Variants in FTCDNL1 observed in about 807,000 individuals in gnomAD.
FTCDNL1 encodes the protein formiminotransferase N-terminal subdomain-containing protein.
A neutral mutation model predicts 5.9 loss-of-function variants in FTCDNL1; 11 were observed. The ratio of observed to expected loss-of-function variants is 1.87; its 90% CI spans 1.18 to 3.10. The LOEUF is 3.10. FTCDNL1 is among the 30% of genes most tolerant of loss of function. FTCDNL1 has a pLI of 0.00. For synonymous variants in FTCDNL1, 58 were observed against 24.8 expected (o/e 2.34, Z -3.99); for missense variants, 115 against 65.5 (o/e 1.76, Z -2.61).
the FTCDNL1 span, among the ~76,000 whole-genome samples, chr2:199,680,310 C>G: frequency 2.6e-5 from 4 of 152,092 alleles, no homozygotes; most frequent in Non-Finnish European, 5.9e-5. Context: ...AAGCACAAAT[C>G]ATAGAAGAAA....
the FTCDNL1 span, among the ~76,000 whole-genome samples, chr2:199,678,367 C>A: frequency 1.3e-5 from 2 of 152,094 alleles, no homozygotes; most frequent in Non-Finnish European, 2.9e-5. Flanking sequence ...GATGTGGGCA[C>A]ATGCCATAAC....
intron 3 of FTCDNL1, among the ~76,000 whole-genome samples, chr2:199,794,192 G>A (rs1358592909): frequency 6.6e-6 from 1 of 152,164 alleles, no homozygotes; most frequent in Non-Finnish European, 1.5e-5. Flanking sequence ...GAAAATTTAA[G>A]AGCCAGAAAA....
At chr2:199,750,767 T>C in the FTCDNL1 span, among the ~76,000 whole-genome samples, 1 of 152,262 alleles carries the variant, frequency 6.6e-6, no homozygotes, top group Non-Finnish European at 1.5e-5. Context: ...TTCTGAACTT[T>C]TGAATGAAAG....
At chr2:199,733,782 A>G in the FTCDNL1 span, among the ~76,000 whole-genome samples, 2 of 152,244 alleles carry the variant, frequency 1.3e-5, no homozygotes, top group Non-Finnish European at 2.9e-5. Flanking sequence ...TGGAAATTAA[A>G]TTTAAGCAAA....
chr2:199,730,392 G>T, the FTCDNL1 span, among the ~76,000 whole-genome samples: 1 of 152,096 alleles, frequency 6.6e-6, no homozygotes, highest in Non-Finnish European at 1.5e-5. Flanking sequence ...ACTATAATCA[G>T]GGTTAATAGG....
chr2:199,785,196 T>C (rs987386526), intron 3 of FTCDNL1, among the ~76,000 whole-genome samples: 7 of 149,590 alleles, frequency 4.7e-5, no homozygotes, highest in African/African-American at 1.7e-4. Context: ...TGAAATGTCA[T>C]ATATCATCAC....
the FTCDNL1 span, among the ~76,000 whole-genome samples, chr2:199,687,118 A>T: frequency 6.6e-6 from 1 of 152,216 alleles, no homozygotes; most frequent in South Asian, 2.1e-4. Flanking sequence ...TTTAAATTAC[A>T]GAACCTCCAT....
chr2:199,696,355 C>A, the FTCDNL1 span, among the ~76,000 whole-genome samples: 1 of 152,228 alleles, frequency 6.6e-6, no homozygotes, highest in South Asian at 2.1e-4. Flanking sequence ...GCTGCCACCA[C>A]CTCGATGAAG....
chr2:199,776,410 G>C (rs558429342), intron 3 of FTCDNL1, among the ~76,000 whole-genome samples: 1 of 152,170 alleles, frequency 6.6e-6, no homozygotes, highest in African/African-American at 2.4e-5. Context: ...TAATGCACTC[G>C]TGTTGCCAAT....
At chr2:199,801,810 TGCCTGTAGTCCCA>T (rs1446141025) in intron 3 of FTCDNL1, among the ~76,000 whole-genome samples, 1 of 149,930 alleles carries the variant, frequency 6.7e-6, no homozygotes, top group African/African-American at 2.5e-5. Flanking sequence ...TAGCGCCGGG[TGCCTGTAGTCCCA>T]GCTATTCAGG....
At chr2:199,821,459 T>C (rs1434879318) in intron 3 of FTCDNL1, among the ~76,000 whole-genome samples, 2 of 146,008 alleles carry the variant, frequency 1.4e-5, no homozygotes, top group Non-Finnish European at 3.0e-5. Context: ...GTGCCCAGCC[T>C]GGTTTTTTGT....
At chr2:199,758,276 A>G (rs978692035), downstream of FTCDNL1, among the ~76,000 whole-genome samples, 5 of 152,196 alleles carry the variant, frequency 3.3e-5, no homozygotes, top group African/African-American at 1.2e-4. Context: ...TATATGAAAT[A>G]TTTATTTTAA....
the FTCDNL1 span, among the ~76,000 whole-genome samples, chr2:199,737,551 A>G: frequency 6.6e-6 from 1 of 152,224 alleles, no homozygotes. Context: ...AAACTTTCAT[A>G]GTGGTGCTAA....
the FTCDNL1 span, among the ~76,000 whole-genome samples, chr2:199,721,831 G>A: frequency 6.6e-6 from 1 of 152,168 alleles, no homozygotes; most frequent in Non-Finnish European, 1.5e-5. Context: ...ACTGGTGTGA[G>A]ATGGTATCTC....
intron 3 of FTCDNL1, among the ~76,000 whole-genome samples, chr2:199,845,310 T>C (rs1271091193): frequency 6.6e-6 from 1 of 152,130 alleles, no homozygotes. Flanking sequence ...CTCAATCCTA[T>C]AATCCCAGCA....
intron 3 of FTCDNL1, 140 bp from the exon 4 acceptor site, chr2:199,819,897 G>C: frequency 1.7e-6 from 1 of 599,132 alleles, no homozygotes; most frequent in South Asian, 2.0e-5. Flanking sequence ...GTCCAGATCA[G>C]TGGCATGAAG....
chr2:199,740,680 C>T, the FTCDNL1 span, among the ~76,000 whole-genome samples: 1 of 152,118 alleles, frequency 6.6e-6, no homozygotes, highest in African/African-American at 2.4e-5. Flanking sequence ...CTGGCAACCT[C>T]AAAGGCAATT....
intron 2 of FTCDNL1, 136 bp downstream of exon 2, chr2:199,848,712 C>G: frequency 1.8e-6 from 1 of 565,436 alleles, no homozygotes; most frequent in Non-Finnish European, 3.1e-6. Flanking sequence ...CGCAGAGCTG[C>G]AACAGCTCAA....
At chr2:199,849,286 G>A (rs1359222556) in intron 1 of FTCDNL1, among the ~76,000 whole-genome samples, 2 of 152,132 alleles carry the variant, frequency 1.3e-5, no homozygotes, top group East Asian at 3.8e-4. Flanking sequence ...GTTTTCCTTA[G>A]CCTTATCCCT....
Sources: allele counts gnomAD v4.1 joint callset (sites outside exome capture counted in the v4.1 genomes callset), GRCh38; gene constraint gnomAD v4.1.1; transcripts MANE v1.5; gene names NCBI Gene and HGNC (gene_info 2026-07-23, HGNC 2026-07-21).